The following LRRC7 variants were observed in gnomAD, a reference collection of about 807,000 sequenced individuals.
LRRC7 encodes leucine rich repeat containing 7, also known as leucine-rich repeat-containing protein 7.
LRRC7 carries 23 observed loss-of-function variants against 175.7 expected under a neutral mutation model. That is an observed-to-expected ratio of 0.13 (90% CI 0.09 to 0.19). LRRC7 has a LOEUF of 0.19. Ranked by LOEUF, LRRC7 falls within the 10% of genes least tolerant of loss-of-function variation. The pLI is 1.00. For missense variants in LRRC7, 1,354 were observed against 1,904.7 expected (o/e 0.71, Z 5.38); for synonymous variants, 685 against 680.9 (o/e 1.01, Z -0.09).
intron 16 of LRRC7, among the ~76,000 whole-genome samples, chr1:70,022,558 T>C (rs1034600253): frequency 5.3e-5 from 8 of 152,204 alleles, no homozygotes; most frequent in Non-Finnish European, 1.0e-4. Context: ...CATTATACTT[T>C]AGAGTGTTTT....
At position 70,055,765 on chromosome 1, in the gene LRRC7, T is replaced by C. The variant is rs148428854; in HGVS notation, c.4230+2620T>C. 6.9e-3 allele frequency among the ~76,000 whole-genome samples: 1,047 copies of C among 152,160 alleles called. 7 individuals carry two copies. Among genetic ancestry groups the C allele is most frequent in the Non-Finnish European group, 0.012 (784 of 67,978 alleles). On this transcript the variant is annotated intron_variant, in intron 23 of 26. Transcript: ENST00000651989. The stretch of plus-strand genomic sequence containing the variant: ...CAAGAACAGCAAGAGGAAAATCCAC[T>C]CCCGTGATTCAAACACCTCCCACTA...
intron 2 of LRRC7, among the ~76,000 whole-genome samples, chr1:69,709,878 A>G (rs1205690946): frequency 1.3e-5 from 2 of 152,154 alleles, no homozygotes; most frequent in Admixed American, 6.5e-5. Context: ...ATTTCTTATG[A>G]TAATGGTAGG....
chr1:69,932,688 GT>G (rs1452965618), intron 8 of LRRC7, among the ~76,000 whole-genome samples: 1 of 152,188 alleles, frequency 6.6e-6, no homozygotes, highest in Non-Finnish European at 1.5e-5. Flanking sequence ...CCTTTAGGTT[GT>G]TTTCATCTTT....
intron 4 of LRRC7, among the ~76,000 whole-genome samples, chr1:69,804,506 C>T (rs1676891374): frequency 1.3e-5 from 2 of 151,388 alleles, no homozygotes; most frequent in African/African-American, 4.8e-5. Context: ...GATATTCTTT[C>T]TTTGAAAAAA....
intron 2 of LRRC7, among the ~76,000 whole-genome samples, chr1:69,733,232 C>G (rs1667771857): frequency 6.6e-6 from 1 of 151,910 alleles, no homozygotes; most frequent in Admixed American, 6.6e-5. Flanking sequence ...TAATTCAGAG[C>G]TCTTTAATGG....
chr1:69,986,952 T>C (rs1273507245), intron 10 of LRRC7, among the ~76,000 whole-genome samples: 1 of 152,148 alleles, frequency 6.6e-6, no homozygotes, highest in East Asian at 1.9e-4. Flanking sequence ...TGTTTAAGGA[T>C]GTTTACATGG....
Position 70,136,615 on chromosome 1 carries a change from A to G in LRRC7, c.*14728A>G, listed in dbSNP as rs1315479673. Among the ~76,000 whole-genome samples, 4 of 151,900 alleles carry G rather than the reference A, an allele frequency of 2.6e-5. No individual in the cohort carries two copies. The East Asian group carries it at 7.8e-4, about 30-fold the overall frequency. On this transcript the variant is annotated 3_prime_UTR_variant, in exon 27 of 27. Transcript: ENST00000651989. Reference sequence around the variant, plus strand: ...ACACACAAAAAGTCTAATAAATGCTATCGTGTAGGTACAAAATATGAGGAA... The same window carrying G: ...ACACACAAAAAGTCTAATAAATGCTGTCGTGTAGGTACAAAATATGAGGAA...
intron 23 of LRRC7, 120 bp downstream of exon 23, chr1:70,053,265 T>C (rs1057133339): frequency 2.2e-5 from 20 of 925,120 alleles, no homozygotes; most frequent in Non-Finnish European, 2.6e-5. Flanking sequence ...AGGTAAATAT[T>C]ATGCTACTAC....
chr1:69,879,399 T>C (rs189122855), intron 7 of LRRC7, among the ~76,000 whole-genome samples: 1 of 152,006 alleles, frequency 6.6e-6, no homozygotes, highest in East Asian at 1.9e-4. Context: ...AATTGGAGTC[T>C]CAGAAGACAG....
chr1:69,600,981 A>G (rs1307203137), intron 1 of LRRC7, among the ~76,000 whole-genome samples: 2 of 151,582 alleles, frequency 1.3e-5, no homozygotes, highest in African/African-American at 2.4e-5. Context: ...ATGCCCGGCT[A>G]ATTTTTGTAC....
intron 8 of LRRC7, among the ~76,000 whole-genome samples, chr1:69,947,773 A>G (rs1166846525): frequency 6.6e-6 from 1 of 152,152 alleles, no homozygotes; most frequent in Non-Finnish European, 1.5e-5. Context: ...AAACCTATAT[A>G]TACTATTTTT....
chr1:69,790,696 G>A (rs1675004206), intron 3 of LRRC7, among the ~76,000 whole-genome samples: 1 of 151,896 alleles, frequency 6.6e-6, no homozygotes, highest in Non-Finnish European at 1.5e-5. Context: ...TATACCAGGA[G>A]TGTAGGCATC....
chr1:70,024,274 A>T (rs1028478588), intron 17 of LRRC7, among the ~76,000 whole-genome samples: 3 of 151,384 alleles, frequency 2.0e-5, no homozygotes, highest in African/African-American at 4.8e-5. Flanking sequence ...GAATTTGATC[A>T]TGATGTGAAA....
intron 2 of LRRC7, among the ~76,000 whole-genome samples, chr1:69,699,567 C>T (rs1311683343): frequency 6.7e-6 from 1 of 150,198 alleles, no homozygotes; most frequent in Non-Finnish European, 1.5e-5. Flanking sequence ...CCTTCAGTGG[C>T]AGAACTTCTT....
intron 3 of LRRC7, among the ~76,000 whole-genome samples, chr1:69,781,007 A>G (rs1236015820): frequency 2.6e-5 from 4 of 152,230 alleles, no homozygotes; most frequent in Non-Finnish European, 4.4e-5. Flanking sequence ...TTTTTCTAAG[A>G]AACTAAACTA....
intron 1 of LRRC7, 73 bp downstream of exon 1, chr1:69,568,714 G>A (rs939294741): frequency 1.7e-6 from 2 of 1,178,496 alleles, no homozygotes; most frequent in Admixed American, 3.1e-5. Flanking sequence ...AGGCGCGCGA[G>A]GTGTGGGACC....
chr1:70,105,640 T>C (rs1282170801), intron 25 of LRRC7, among the ~76,000 whole-genome samples: 8 of 152,200 alleles, frequency 5.3e-5, no homozygotes, highest in Admixed American at 4.6e-4. Flanking sequence ...CATTCTACTG[T>C]ATGGATTTAC....
At chr1:70,012,618 T>C (rs1322633571) in intron 12 of LRRC7, among the ~76,000 whole-genome samples, 1 of 151,784 alleles carries the variant, frequency 6.6e-6, no homozygotes, top group African/African-American at 2.4e-5. Flanking sequence ...TATTGTATTT[T>C]TGAGTGTGTA....
chr1:70,011,931 G>T lies in LRRC7; in HGVS notation c.1134+5G>T. On this transcript the variant is annotated splice_donor_5th_base_variant and intron_variant, in intron 12 of 26. Transcript: ENST00000651989. ...CTTCCAGAATTACCCAGAGAAGTGA[G>T]AAATAAACTTGTTTTCTATTTATTA... 6.3e-7 allele frequency: 1 copy of T among 1,596,980 alleles called. No homozygotes were observed. The highest frequency in any genetic ancestry group is 1.1e-5 in the South Asian group (1 of 90,264).
Sources: gnomAD v4.1 joint callset for allele counts (sites outside exome capture counted in the v4.1 genomes callset) on GRCh38, gnomAD v4.1.1 for gene constraint, MANE v1.5 for transcripts, NCBI Gene and HGNC (gene_info 2026-07-23, HGNC 2026-07-21) for gene names.